COL5A1: variants seen among roughly 807,000 people sequenced by gnomAD.
COL5A1 encodes collagen alpha-1(V) chain.
A neutral mutation model predicts 263.7 loss-of-function variants in COL5A1; 16 were observed. The observed-to-expected ratio is 0.06, with a 90% confidence interval of 0.04 to 0.09. The LOEUF (loss-of-function observed/expected upper bound fraction) is 0.09. COL5A1 is among the 10% of genes least tolerant of loss of function. The pLI, the probability that COL5A1 is intolerant of heterozygous loss-of-function variation, is 1.00. For missense variants in COL5A1, 2,036 were observed against 2,540.5 expected (o/e 0.80, Z 4.27); for synonymous variants, 1,012 against 1,004.5 (o/e 1.01, Z -0.14).
chr9:134,809,199 A>G lies in COL5A1; in HGVS notation c.3383A>G (p.Gln1128Arg), dbSNP rs1838417166. ...EKGAPGEKGPQGPAGRDGLQG... is the reference protein window; with the variant it reads ...EKGAPGEKGPRGPAGRDGLQG... The stretch of plus-strand genomic sequence containing the variant: ...ATTCTCTAGGGCGAGAAAGGCCCAC[A>G]AGGCCCAGCTGGCCGAGACGGTCTC... The change falls in exon 43 of 66, where the codon CAA becomes CGA. Residue 1128 changes from glutamine (Q) to arginine (R), a missense_variant. Physicochemically the swap from Gln to Arg is conservative, Grantham distance 43. This residue lies in a region of COL5A1 where 1,078 missense variants were observed against 1,521.4 expected (regional missense o/e 0.71). Coordinates refer to ENST00000371817, the MANE Select transcript of COL5A1 (RefSeq NM_000093.5). The G allele has an allele frequency of 1.3e-6, 2 of 1,590,182 alleles. No individual in the cohort carries two copies. Among genetic ancestry groups the G allele is most frequent in the East Asian group, 2.3e-5 (1 of 43,848 alleles).
chr9:134,831,076 T>A (rs1290867479), intron 64 of COL5A1, among the ~76,000 whole-genome samples: 1 of 152,190 alleles, frequency 6.6e-6, no homozygotes, highest in African/African-American at 2.4e-5. Context: ...GGCCTTGCTC[T>A]CAGAAGGCAG....
rs1332348781 is a variant in COL5A1 at position 134,716,234 on chromosome 9, T to A, written c.655-11032T>A. On this transcript the variant is annotated intron_variant, in intron 4 of 65. Coordinates refer to ENST00000371817, the MANE Select transcript of COL5A1 (RefSeq NM_000093.5). The surrounding 1 kb of genome is among the most constrained non-coding windows in gnomAD (Gnocchi z 4.5). ...CCTCTTTTATCAACAGATGGAGGCC[T>A]GGAGTAATTAGTCATACGCTGACAT... Among the ~76,000 whole-genome samples, 1 of 152,164 alleles carries A rather than the reference T, an allele frequency of 6.6e-6. No individual in the cohort carries two copies. Among genetic ancestry groups the A allele is most frequent in the Non-Finnish European group, 1.5e-5 (1 of 68,034 alleles).
intron 51 of COL5A1, 33 bp from the exon 52 acceptor site, chr9:134,815,902 G>A: frequency 1.2e-6 from 2 of 1,613,336 alleles, no homozygotes; most frequent in Non-Finnish European, 1.7e-6. Flanking sequence ...TGCCATCCGG[G>A]GTTCAGCAAG....
chr9:134,709,104 T>G (rs1833944796), intron 4 of COL5A1: 1 of 375,464 alleles, frequency 2.7e-6, no homozygotes. Context: ...AGGTCACCTG[T>G]GGATCTAGAT....
chr9:134,820,038 C>T (rs1050266342), intron 57 of COL5A1, 78 bp from the exon 58 acceptor site: 51 of 1,000,814 alleles, frequency 5.1e-5, no homozygotes, highest in African/African-American at 2.5e-4. Flanking sequence ...GGCTGTGCTG[C>T]GTGCTAACTG....
intron 1 of COL5A1, among the ~76,000 whole-genome samples, chr9:134,668,050 C>T (rs1255554395): frequency 6.6e-6 from 1 of 152,174 alleles, no homozygotes; most frequent in East Asian, 1.9e-4. Context: ...GTACCAGGCA[C>T]TTTGGGTCAG....
intron 1 of COL5A1, among the ~76,000 whole-genome samples, chr9:134,655,874 C>T (rs1165065695): frequency 6.6e-6 from 1 of 152,166 alleles, no homozygotes; most frequent in African/African-American, 2.4e-5. Context: ...CCTGTCCTGC[C>T]CTCCTTGAAT....
chr9:134,652,910 G>C lies in COL5A1; in HGVS notation c.109+10614G>C, dbSNP rs1156291752. 6.0e-6 allele frequency: 2 copies of C among 335,628 alleles called. No homozygotes were observed. Among genetic ancestry groups the C allele is most frequent in the Non-Finnish European group, 1.2e-5 (2 of 164,488 alleles). The allele number at this position is 335,628 out of a possible 1,614,324, so 20.8% of individuals were successfully genotyped here. A position where few individuals can be genotyped will look rare whatever the true frequency, so the allele number is the denominator to read the frequency against. On this transcript the variant is annotated intron_variant, in intron 1 of 65. Transcript: ENST00000371817. The surrounding 1 kb of genome is among the most constrained non-coding windows in gnomAD (Gnocchi z 4.4). Reference sequence around the variant, plus strand: ...CCCAGGAAACTGCATTTCTAACGAAGTCAGTTCCCAGACCACGCGGATGCT... The same window carrying C: ...CCCAGGAAACTGCATTTCTAACGAACTCAGTTCCCAGACCACGCGGATGCT...
chr9:134,758,173 G>T lies in COL5A1; in HGVS notation c.1882-70G>T, dbSNP rs912762100. The T allele has an allele frequency of 3.2e-6, 5 of 1,540,490 alleles. No individual in the cohort carries two copies. Among genetic ancestry groups the T allele is most frequent in the East Asian group, 2.2e-5 (1 of 44,484 alleles). ...TCCAAGGCGGGGCGGCCATCACTTG[G>T]TGGACACCAAGGCGGGGTGTCCACG... On this transcript the variant is annotated intron_variant, in intron 17 of 65. Transcript: ENST00000371817. The surrounding 1 kb of genome is among the most constrained non-coding windows in gnomAD (Gnocchi z 4.1).
intron 46 of COL5A1, 143 bp from the exon 47 acceptor site, chr9:134,812,306 G>C (rs529601049): frequency 1.3e-6 from 1 of 785,108 alleles, no homozygotes; most frequent in Non-Finnish European, 2.2e-6. Context: ...GGACGTCCTC[G>C]TGGGTAGCTA....
intron 4 of COL5A1, among the ~76,000 whole-genome samples, chr9:134,718,192 A>G (rs1030590070): frequency 1.3e-5 from 2 of 152,202 alleles, no homozygotes; most frequent in African/African-American, 4.8e-5. Flanking sequence ...AAATGCTCCC[A>G]TCTCTGCCAG....
chr9:134,681,107 TC>T lies in COL5A1; in HGVS notation c.110-9804del, dbSNP rs1832841862. Among the ~76,000 whole-genome samples the T allele has an allele frequency of 6.6e-6, 1 of 152,104 alleles. No individual in the cohort carries two copies. Among genetic ancestry groups the T allele is most frequent in the African/African-American group, 2.4e-5 (1 of 41,436 alleles). On this transcript the variant is annotated intron_variant, in intron 1 of 65. Transcript: ENST00000371817. The surrounding 1 kb of genome is among the most constrained non-coding windows in gnomAD (Gnocchi z 4.3). The stretch of plus-strand genomic sequence containing the variant: ...TTTCAGTCGCAGCCTCCAGAGCGCC[TC>T]TGTTTTTCGACCTGCTGGGTTGACC...
chr9:134,823,850 TTGTA>T (rs558635099), intron 61 of COL5A1, among the ~76,000 whole-genome samples: 69 of 138,246 alleles, frequency 5.0e-4, no homozygotes, highest in African/African-American at 7.6e-4. Flanking sequence ...TGTACATGGT[TTGTA>T]TGTGCATGTG....
chr9:134,795,370 C>T (rs1837866742), intron 34 of COL5A1, 55 bp downstream of exon 34: 33 of 1,518,426 alleles, frequency 2.2e-5, no homozygotes, highest in Non-Finnish European at 3.0e-5. Context: ...TGCAAGGCTA[C>T]AGAGACGTGG....
rs145521667 is a variant in COL5A1 at position 134,716,543 on chromosome 9, G to C, written c.655-10723G>C. On this transcript the variant is annotated intron_variant, in intron 4 of 65. Coordinates refer to ENST00000371817, the MANE Select transcript of COL5A1 (RefSeq NM_000093.5). This position sits in a 1 kb window ranked among gnomAD's most constrained non-coding sequence, Gnocchi z 4.5. Reference sequence around the variant, plus strand: ...GTGAGGTCACCACCCTTTGGGTGGCGAGTCTTTGAGGAGGTGAACCCCCAC... The same window carrying C: ...GTGAGGTCACCACCCTTTGGGTGGCCAGTCTTTGAGGAGGTGAACCCCCAC... 9.3e-4 allele frequency among the ~76,000 whole-genome samples: 141 copies of C among 152,310 alleles called. No individual in the cohort carries two copies. The highest frequency in any genetic ancestry group is 3.3e-3 in the African/African-American group (136 of 41,566).
chr9:134,822,045 G>T, intron 58 of COL5A1, 52 bp from the exon 59 acceptor site: 1 of 1,538,548 alleles, frequency 6.5e-7, no homozygotes, highest in Non-Finnish European at 9.0e-7. Context: ...TTGCAGCCCC[G>T]CAGCTCCTCC....
chr9:134,759,756 C>T, intron 18 of COL5A1, among the ~76,000 whole-genome samples: 2 of 116,874 alleles, frequency 1.7e-5, no homozygotes, highest in Non-Finnish European at 3.4e-5. Flanking sequence ...CACATGCACA[C>T]ACACCCACGC....
chr9:134,829,898 G>A (rs2132907053), intron 63 of COL5A1, 78 bp from the exon 64 acceptor site: 11 of 1,490,514 alleles, frequency 7.4e-6, no homozygotes, highest in Non-Finnish European at 1.0e-5. Context: ...GGAAAGCCTG[G>A]GGCCTTGCTC....
intron 1 of COL5A1, among the ~76,000 whole-genome samples, chr9:134,666,387 CCTT>C (rs72451336): frequency 0.23 from 35,530 of 152,042 alleles, 5,218 homozygotes; most frequent in African/African-American, 0.41. Context: ...AGGCCCATGG[CCTT>C]CTTCTCTGGA....
Sources: allele counts gnomAD v4.1 joint callset (sites outside exome capture counted in the v4.1 genomes callset), GRCh38; gene constraint gnomAD v4.1.1; regional missense constraint gnomAD v4.1.1; non-coding constraint Gnocchi (gnomAD v3.1); transcripts MANE v1.5; gene names NCBI Gene and HGNC (gene_info 2026-07-23, HGNC 2026-07-21).